Variants in AFAP1 observed in about 807,000 individuals in gnomAD.
The protein encoded by AFAP1 is actin filament associated protein 1.
AFAP1 carries 75 observed loss-of-function variants against 93.9 expected under a neutral mutation model. The ratio of observed to expected loss-of-function variants is 0.80; its 90% CI spans 0.66 to 0.97. The LOEUF (loss-of-function observed/expected upper bound fraction) is 0.97, where lower values mean the gene tolerates loss of function less well. Among genes scored for constraint, AFAP1 ranks in the 50% least tolerant of loss-of-function variants. AFAP1 has a pLI of 0.00. For missense variants in AFAP1, 1,201 were observed against 1,050.8 expected (o/e 1.14, Z -1.98); for synonymous variants, 517 against 430.7 (o/e 1.20, Z -2.48).
chr4:7,766,251 CTGGGACAGCTATG>C (rs1338689988), intron 17 of AFAP1, among the ~76,000 whole-genome samples: 1 of 152,150 alleles, frequency 6.6e-6, no homozygotes, highest in African/African-American at 2.4e-5. Flanking sequence ...TTCAGCCTCC[CTGGGACAGCTATG>C]TGGGCCGTTG....
In AFAP1 at chr4:7,796,975, G is replaced by C. The variant is rs183043618; in HGVS notation, c.1267-3149C>G. Among the ~76,000 whole-genome samples the C allele has an allele frequency of 4.1e-3, 625 of 151,950 alleles. 2 individuals are homozygous for C. Among genetic ancestry groups the C allele is most frequent in the African/African-American group, 0.015 (601 of 41,400 alleles). On this transcript the variant is annotated intron_variant, in intron 10 of 17. Coordinates refer to ENST00000420658, the MANE Select transcript of AFAP1 (RefSeq NM_001134647.2). ...CTCGGGAGGCTGAGGCAGGAGAATC[G>C]CTTGAACCTGGGACGTGGAGGTTAC...
At chr4:7,809,457 A>T in intron 9 of AFAP1, 157 bp downstream of exon 9, 1 of 814,052 alleles carries the variant, frequency 1.2e-6, no homozygotes, top group Non-Finnish European at 1.8e-6. Context: ...AAAAATGTAA[A>T]CATTTAATAC....
intron 10 of AFAP1, among the ~76,000 whole-genome samples, chr4:7,795,405 C>CTTTTTTTTTTT (rs35550085): frequency 1.6e-5 from 1 of 62,100 alleles, no homozygotes; most frequent in East Asian, 3.7e-4. Context: ...AAAACAAAAT[C>CTTTTTTTTTTT]TTTTTTTTTT....
At chr4:7,917,834 T>C (rs1402263881) in intron 1 of AFAP1, among the ~76,000 whole-genome samples, 1 of 152,214 alleles carries the variant, frequency 6.6e-6, no homozygotes, top group Admixed American at 6.5e-5. Flanking sequence ...TTCACTGCAC[T>C]GCAATCCCCT....
At chr4:7,870,201 A>G (rs1266842727) in intron 2 of AFAP1, among the ~76,000 whole-genome samples, 1 of 152,212 alleles carries the variant, frequency 6.6e-6, no homozygotes, top group African/African-American at 2.4e-5. Context: ...GTTTGGTAAC[A>G]GGTAGGGCCA....
intron 6 of AFAP1, among the ~76,000 whole-genome samples, chr4:7,830,290 A>G (rs1281259065): frequency 5.7e-5 from 3 of 53,044 alleles, no homozygotes; most frequent in Admixed American, 2.7e-4. Context: ...TTGGAAGACA[A>G]TCTGGCAGAG....
intron 10 of AFAP1, 36 bp from the exon 11 acceptor site, chr4:7,793,862 C>A: frequency 6.8e-7 from 1 of 1,471,126 alleles, no homozygotes; most frequent in African/African-American, 1.4e-5. Flanking sequence ...CTGTATTTAA[C>A]TAAAGATTTT....
intron 4 of AFAP1, among the ~76,000 whole-genome samples, chr4:7,844,520 A>T (rs1004296287): frequency 6.6e-6 from 1 of 152,078 alleles, no homozygotes; most frequent in African/African-American, 2.4e-5. Flanking sequence ...ACACGGCCCA[A>T]CACAGAGCGG....
intron 3 of AFAP1, among the ~76,000 whole-genome samples, chr4:7,855,872 C>T (rs1246122667): frequency 6.6e-6 from 1 of 152,202 alleles, no homozygotes; most frequent in East Asian, 1.9e-4. Context: ...CCCCTTCCCC[C>T]ACGCAGGACT....
At chr4:7,847,073 G>A (rs893164341) in intron 4 of AFAP1, among the ~76,000 whole-genome samples, 5 of 152,140 alleles carry the variant, frequency 3.3e-5, no homozygotes, top group African/African-American at 1.2e-4. Flanking sequence ...AGAAAAACCA[G>A]CCAACTTAGC....
intron 16 of AFAP1, 174 bp downstream of exon 16, chr4:7,772,646 A>G: frequency 3.3e-6 from 2 of 608,156 alleles, no homozygotes; most frequent in Non-Finnish European, 5.7e-6. Context: ...TCAGGAACAC[A>G]GGCCCGGCCG....
At chr4:7,889,414 G>A (rs964421329) in intron 1 of AFAP1, among the ~76,000 whole-genome samples, 2 of 151,620 alleles carry the variant, frequency 1.3e-5, no homozygotes, top group African/African-American at 4.8e-5. Flanking sequence ...CAGGCGTGGT[G>A]GCACGTGCCT....
At chr4:7,879,475 C>T (rs546153330) in intron 1 of AFAP1, among the ~76,000 whole-genome samples, 3 of 152,256 alleles carry the variant, frequency 2.0e-5, no homozygotes, top group Non-Finnish European at 4.4e-5. Flanking sequence ...CAAACACAGA[C>T]TGGCATCAAG....
chr4:7,870,601 G>A (rs1716937649), intron 2 of AFAP1, among the ~76,000 whole-genome samples: 1 of 152,074 alleles, frequency 6.6e-6, no homozygotes, highest in Admixed American at 6.6e-5. Flanking sequence ...ATACTGCAGT[G>A]AGCAGTGATC....
At chr4:7,928,746 G>A (rs1259817999) in intron 1 of AFAP1, among the ~76,000 whole-genome samples, 3 of 152,170 alleles carry the variant, frequency 2.0e-5, no homozygotes, top group Non-Finnish European at 2.9e-5. Flanking sequence ...GTCAATCAGT[G>A]CCATTTCATT....
intron 3 of AFAP1, among the ~76,000 whole-genome samples, chr4:7,856,375 T>C (rs977641884): frequency 3.3e-5 from 5 of 152,034 alleles, no homozygotes; most frequent in Non-Finnish European, 7.4e-5. Flanking sequence ...CCCAAGTAAC[T>C]GGGACTACAG....
At chr4:7,896,014 C>G (rs895290582) in intron 1 of AFAP1, among the ~76,000 whole-genome samples, 1 of 151,986 alleles carries the variant, frequency 6.6e-6, no homozygotes, top group African/African-American at 2.4e-5. Context: ...GCATGTGCCA[C>G]CACACCCGGC....
intron 3 of AFAP1, among the ~76,000 whole-genome samples, chr4:7,858,816 G>C (rs1425684247): frequency 1.3e-5 from 2 of 152,176 alleles, no homozygotes; most frequent in Non-Finnish European, 2.9e-5. Flanking sequence ...GCCCACCCCA[G>C]CTCTGAGAGT....
chr4:7,796,185 C>G (rs1329377980), intron 10 of AFAP1, among the ~76,000 whole-genome samples: 2 of 152,148 alleles, frequency 1.3e-5, no homozygotes, highest in Non-Finnish European at 2.9e-5. Context: ...CTTCTCAACT[C>G]TCCGCCATTC....
Sources: allele counts gnomAD v4.1 joint callset (sites outside exome capture counted in the v4.1 genomes callset), GRCh38; gene constraint gnomAD v4.1.1; transcripts MANE v1.5; gene names NCBI Gene and HGNC (gene_info 2026-07-23, HGNC 2026-07-21).